The following RAD51B variants were observed in gnomAD, a reference collection of about 807,000 sequenced individuals.
RAD51B encodes the protein RAD51 paralog B.
RAD51B carries 38 observed loss-of-function variants against 42.2 expected under a neutral mutation model. The observed-to-expected ratio is 0.90, with a 90% CI of 0.70 to 1.18. The LOEUF (loss-of-function observed/expected upper bound fraction) is 1.18. RAD51B is among the 50% of genes most tolerant of loss of function. RAD51B has a pLI of 0.00. For missense variants in RAD51B, 373 were observed against 400.7 expected, an observed-to-expected ratio of 0.93 and a Z score of 0.59; for synonymous variants, 154 against 145.2, an observed-to-expected ratio of 1.06 and a Z score of -0.43.
chr14:67,882,994 C>G (rs1345107824), intron 5 of RAD51B, among the ~76,000 whole-genome samples: 1 of 152,258 alleles, frequency 6.6e-6, no homozygotes, highest in Non-Finnish European at 1.5e-5. Context: ...ATCCGCCTGC[C>G]TTGGCCTCCC....
rs890361038 is a variant in RAD51B, at chr14:68,221,983, G to A, written c.757-69901G>A. Among the ~76,000 whole-genome samples the A allele has an allele frequency of 1.4e-4, 21 of 152,058 alleles. No homozygotes were observed. The East Asian group carries it at 2.3e-3, about 17-fold the overall frequency. ...TCAGGGAAATGCAAATCAAAACCAC[G>A]ACGTGATACCACCTCACTCCTGCAA... is the stretch of plus-strand genomic sequence containing the variant. On this transcript the variant is annotated intron_variant, in intron 7 of 10. Coordinates refer to ENST00000471583, the MANE Select transcript of RAD51B (RefSeq NM_133510.4).
intron 9 of RAD51B, among the ~76,000 whole-genome samples, chr14:68,433,321 G>A (rs2085062127): frequency 1.3e-5 from 2 of 152,124 alleles, no homozygotes; most frequent in South Asian, 4.1e-4. Flanking sequence ...AAGTTCTCCT[G>A]GGTAATATCC....
At chr14:68,049,115 A>G (rs1177640831) in intron 7 of RAD51B, among the ~76,000 whole-genome samples, 1 of 151,884 alleles carries the variant, frequency 6.6e-6, no homozygotes, top group East Asian at 1.9e-4. Flanking sequence ...AGGACAAAAA[A>G]CCAAACACTG....
chr14:68,595,417 A>G (rs935988490), exon 11 of RAD51B: 55 of 1,066,456 alleles, frequency 5.2e-5, no homozygotes, highest in Non-Finnish European at 5.9e-5. Context: ...TGAATTGAGT[A>G]TAACTGTCTT....
intron 7 of RAD51B, among the ~76,000 whole-genome samples, chr14:67,892,374 T>C (rs2043245748): frequency 6.6e-6 from 1 of 152,194 alleles, no homozygotes; most frequent in African/African-American, 2.4e-5. Flanking sequence ...AACTTAAAAG[T>C]TAGTAAGTAG....
At chr14:68,101,760 T>C (rs2077293996) in intron 7 of RAD51B, among the ~76,000 whole-genome samples, 5 of 148,398 alleles carry the variant, frequency 3.4e-5, no homozygotes, top group Admixed American at 3.3e-4. Flanking sequence ...TCTGCCTTTC[T>C]CAGGTCTGGA....
At chr14:68,504,485 A>G (rs1460825384) in intron 10 of RAD51B, among the ~76,000 whole-genome samples, 2 of 152,202 alleles carry the variant, frequency 1.3e-5, no homozygotes, top group Non-Finnish European at 2.9e-5. Flanking sequence ...ATGCCACAGC[A>G]GACAATCAGT....
intron 7 of RAD51B, among the ~76,000 whole-genome samples, chr14:67,978,563 A>G (rs2075035191): frequency 6.6e-6 from 1 of 152,192 alleles, no homozygotes; most frequent in Admixed American, 6.5e-5. Flanking sequence ...AGGTAAAAGA[A>G]GTAAAGAAGT....
At chr14:68,439,044 G>A (rs2085216454) in intron 9 of RAD51B, among the ~76,000 whole-genome samples, 1 of 151,984 alleles carries the variant, frequency 6.6e-6, no homozygotes, top group Admixed American at 6.6e-5. Flanking sequence ...GATACCACAG[G>A]GAACTGACCT....
chr14:68,006,642 C>T (rs146768855), intron 7 of RAD51B, among the ~76,000 whole-genome samples: 83 of 152,068 alleles, frequency 5.5e-4, no homozygotes, highest in Non-Finnish European at 8.8e-4. Flanking sequence ...AGGAGTGCAT[C>T]ATTTAAAAAA....
In RAD51B at chr14:68,534,818, A is replaced by G. The variant is rs115471543; in HGVS notation, c.1037-59667A>G. Reference sequence around the variant, plus strand: ...ATTTTGTTCATTGATCTGTCCCAAGAACTAAAACAGTGCCTGGAACATTGT... The same window carrying G: ...ATTTTGTTCATTGATCTGTCCCAAGGACTAAAACAGTGCCTGGAACATTGT... On this transcript the variant is annotated intron_variant, in intron 10 of 10. Coordinates refer to the RAD51B transcript ENST00000487270. Among the ~76,000 whole-genome samples the G allele has an allele frequency of 8.0e-3, 1,213 of 152,224 alleles. 14 individuals are homozygous for G. Among genetic ancestry groups the G allele is most frequent in the African/African-American group, 0.028 (1,177 of 41,512 alleles).
At chr14:67,913,950 G>A (rs2044069095) in intron 7 of RAD51B, among the ~76,000 whole-genome samples, 1 of 151,452 alleles carries the variant, frequency 6.6e-6, no homozygotes, top group South Asian at 2.1e-4. Context: ...CCCAACCTCT[G>A]GTAACCATCA....
chr14:68,588,528 T>C (rs1890594502), intron 10 of RAD51B, among the ~76,000 whole-genome samples: 1 of 152,174 alleles, frequency 6.6e-6, no homozygotes, highest in Non-Finnish European at 1.5e-5. Flanking sequence ...GGGACCAAGC[T>C]TTCTCATGTA....
chr14:68,585,231 A>G (rs1026933393), intron 10 of RAD51B, among the ~76,000 whole-genome samples: 8 of 152,238 alleles, frequency 5.3e-5, no homozygotes, highest in African/African-American at 1.7e-4. Context: ...AGATTTTCTC[A>G]GACCAGCCTT....
chr14:68,015,178 A>G (rs779414064), intron 7 of RAD51B, among the ~76,000 whole-genome samples: 3 of 152,198 alleles, frequency 2.0e-5, no homozygotes, highest in Non-Finnish European at 4.4e-5. Flanking sequence ...GATTAAATAT[A>G]TGTAAAGTGC....
chr14:67,825,897 T>C (rs1443689877), intron 3 of RAD51B, among the ~76,000 whole-genome samples: 1 of 152,120 alleles, frequency 6.6e-6, no homozygotes, highest in African/African-American at 2.4e-5. Context: ...AGCCAACTTA[T>C]TTTTATATTA....
At chr14:67,863,742 G>A (rs1201385973) in intron 4 of RAD51B, among the ~76,000 whole-genome samples, 1 of 152,032 alleles carries the variant, frequency 6.6e-6, no homozygotes, top group Non-Finnish European at 1.5e-5. Context: ...GTGACAAATA[G>A]CATGTGTTTA....
chr14:68,240,132 G>A (rs1288151682), intron 7 of RAD51B, among the ~76,000 whole-genome samples: 1 of 152,156 alleles, frequency 6.6e-6, no homozygotes, highest in East Asian at 1.9e-4. Context: ...CCTGGGTGTT[G>A]TATCTACCAT....
chr14:68,568,553 C>T (rs2140034768), intron 10 of RAD51B, among the ~76,000 whole-genome samples: 1 of 152,292 alleles, frequency 6.6e-6, no homozygotes, highest in South Asian at 2.1e-4. Flanking sequence ...CTGGCCATCC[C>T]TTGCTCTTCC....
Sources: allele counts gnomAD v4.1 joint callset (sites outside exome capture counted in the v4.1 genomes callset), GRCh38; gene constraint gnomAD v4.1.1; transcripts MANE v1.5; gene names NCBI Gene and HGNC (gene_info 2026-07-23, HGNC 2026-07-21).